The following DDR2 variants were observed in gnomAD, a reference collection of about 807,000 sequenced individuals.
DDR2 encodes the protein discoidin domain receptor tyrosine kinase 2, also known as discoidin domain-containing receptor 2.
DDR2 carries 27 observed loss-of-function variants against 94.9 expected under a neutral mutation model. The ratio of observed to expected loss-of-function variants is 0.28; its 90% CI spans 0.21 to 0.39. DDR2 has a LOEUF of 0.39. Among genes scored for constraint, DDR2 ranks in the 10% least tolerant of loss-of-function variants. The pLI, the probability that DDR2 is intolerant of heterozygous loss-of-function variation, is 1.00. For missense variants in DDR2, 783 were observed against 1,076.0 expected (o/e 0.73, Z 3.81); for synonymous variants, 382 against 377.2 (o/e 1.01, Z -0.15).
chr1:162,781,651 A>G lies in DDR2; in HGVS notation c.*1405A>G, dbSNP rs192441475. The G allele has an allele frequency of 6.6e-6, 1 of 152,286 alleles. No homozygotes were observed. The highest frequency in any genetic ancestry group is 2.4e-5 in the African/African-American group (1 of 41,556). The allele number at this position is 152,286 out of a possible 1,614,324, so 9.4% of individuals were successfully genotyped here. ...GAGTATACACACTCTTGCCTCTGAG[A>G]TGGCGTGACCAGCAGAAAAGAAAGC... On this transcript the variant is annotated 3_prime_UTR_variant, in exon 18 of 18. Transcript: ENST00000367921.
At position 162,759,649 on chromosome 1, in the gene DDR2, A is replaced by G; in HGVS notation, c.672-147A>G. 4.4e-6 allele frequency: 4 copies of G among 905,258 alleles called. No homozygotes were observed. In the South Asian group the frequency reaches 6.3e-5, roughly 14 times the overall value. 56.1% of individuals were successfully genotyped at this position (905,258 alleles called of 1,614,324 possible). On this transcript the variant is annotated intron_variant, in intron 7 of 17. Transcript: ENST00000367921. ...GATAAACGAGTCAATACTATAATGC[A>G]AATCTGATTATTTACAATCCTTCAA...
At chr1:162,767,150 A>T (rs1664036823) in intron 10 of DDR2, 79 bp from the exon 11 acceptor site, 2 of 1,598,682 alleles carry the variant, frequency 1.3e-6, no homozygotes, top group African/African-American at 1.3e-5. Flanking sequence ...GTCTACCTCC[A>T]TGTTTCCAGT....
At chr1:162,725,947 T>C (rs1571247759) in intron 3 of DDR2, among the ~76,000 whole-genome samples, 1 of 152,350 alleles carries the variant, frequency 6.6e-6, no homozygotes, top group East Asian at 1.9e-4. Context: ...AACTGAGGTT[T>C]AGGGAGATAA....
intron 2 of DDR2, among the ~76,000 whole-genome samples, chr1:162,699,953 G>T (rs1279724524): frequency 1.3e-5 from 2 of 152,192 alleles, no homozygotes; most frequent in African/African-American, 4.8e-5. Context: ...AAGTTGATAT[G>T]TAGCTCAATT....
chr1:162,649,450 A>T (rs2101900163), intron 1 of DDR2, among the ~76,000 whole-genome samples: 1 of 152,300 alleles, frequency 6.6e-6, no homozygotes, highest in Admixed American at 6.5e-5. Context: ...CTTTGCCACT[A>T]ACTGGTGATC....
chr1:162,654,736 C>G (rs973349214), intron 1 of DDR2, among the ~76,000 whole-genome samples: 3 of 152,084 alleles, frequency 2.0e-5, no homozygotes, highest in Admixed American at 6.6e-5. Flanking sequence ...TTCTCATTCT[C>G]TCACGAGTGT....
chr1:162,698,292 C>T (rs944706206), intron 2 of DDR2, among the ~76,000 whole-genome samples: 9 of 152,272 alleles, frequency 5.9e-5, no homozygotes, highest in South Asian at 2.1e-4. Flanking sequence ...TTCAGGTAGA[C>T]GCCCTCCTTA....
At chr1:162,691,922 G>A (rs146415438) in intron 2 of DDR2, among the ~76,000 whole-genome samples, 3 of 152,316 alleles carry the variant, frequency 2.0e-5, no homozygotes, top group African/African-American at 2.4e-5. Flanking sequence ...TCAATTCTGC[G>A]GTGGGCATAT....
intron 2 of DDR2, among the ~76,000 whole-genome samples, chr1:162,686,108 C>T (rs1299645607): frequency 6.6e-6 from 1 of 152,176 alleles, no homozygotes; most frequent in Non-Finnish European, 1.5e-5. Flanking sequence ...TCACTGCAAC[C>T]TCCGCCTCTT....
Position 162,782,131 on chromosome 1 carries a change from G to A in DDR2, c.*1885G>A, listed in dbSNP as rs1647935453. 1.3e-5 allele frequency: 2 copies of A among 152,240 alleles called. No individual in the cohort carries two copies. The highest frequency in any genetic ancestry group is 2.9e-5 in the Non-Finnish European group (2 of 68,056). The allele number at this position is 152,240 out of a possible 1,614,324, so 9.4% of individuals were successfully genotyped here. A position where few individuals can be genotyped will look rare whatever the true frequency, so the allele number is the denominator to read the frequency against. ...GAAATCATTGGTTTGAGAGTCAAGA[G>A]AGCATTGGTTTGGGAGCTTTAATCC... On this transcript the variant is annotated 3_prime_UTR_variant, in exon 18 of 18. Coordinates refer to ENST00000367921, the MANE Select transcript of DDR2 (RefSeq NM_006182.4).
chr1:162,635,634 G>C (rs547861945), intron 1 of DDR2, among the ~76,000 whole-genome samples: 134 of 152,298 alleles, frequency 8.8e-4, no homozygotes, highest in Non-Finnish European at 1.7e-3. Flanking sequence ...ACAATGACTA[G>C]TCAGTCCAGA....
At chr1:162,778,809 G>C (rs753192929) in intron 17 of DDR2, 80 bp downstream of exon 17, 12 of 1,583,430 alleles carry the variant, frequency 7.6e-6, no homozygotes, top group Non-Finnish European at 1.0e-5. Flanking sequence ...CTTAGCAGGA[G>C]TGGGCCGAGA....
At chr1:162,693,963 C>T (rs1047022075) in intron 2 of DDR2, among the ~76,000 whole-genome samples, 1 of 152,154 alleles carries the variant, frequency 6.6e-6, no homozygotes, top group African/African-American at 2.4e-5. Context: ...GCAACCTCTG[C>T]CTCCCAGGCT....
chr1:162,741,209 C>CAATACAATATAATAT (rs368631311), intron 3 of DDR2, among the ~76,000 whole-genome samples: 4,610 of 68,758 alleles, frequency 0.067, 385 homozygotes, highest in Non-Finnish European at 0.096. Flanking sequence ...CAATACAATA[C>CAATACAATATAATAT]AATATAATAT....
chr1:162,669,979 C>T (rs1658753674), intron 2 of DDR2, among the ~76,000 whole-genome samples: 1 of 152,190 alleles, frequency 6.6e-6, no homozygotes, highest in African/African-American at 2.4e-5. Context: ...ATCATTGCTG[C>T]TATAGACATT....
intron 2 of DDR2, among the ~76,000 whole-genome samples, chr1:162,717,471 T>C (rs911692663): frequency 2.0e-5 from 3 of 152,246 alleles, no homozygotes; most frequent in Non-Finnish European, 4.4e-5. Context: ...TGAACTGATA[T>C]AGATACATTA....
chr1:162,715,324 T>C (rs974595005), intron 2 of DDR2, among the ~76,000 whole-genome samples: 1 of 152,164 alleles, frequency 6.6e-6, no homozygotes, highest in African/African-American at 2.4e-5. Context: ...TATGATCATT[T>C]CTATATAGAA....
intron 2 of DDR2, among the ~76,000 whole-genome samples, chr1:162,706,675 G>A (rs1039352628): frequency 6.6e-6 from 1 of 152,196 alleles, no homozygotes; most frequent in Non-Finnish European, 1.5e-5. Context: ...TTTAACCTGG[G>A]CCAGAAAGTG....
chr1:162,655,935 G>T (rs1657936923), intron 2 of DDR2, among the ~76,000 whole-genome samples: 1 of 152,152 alleles, frequency 6.6e-6, no homozygotes, highest in South Asian at 2.1e-4. Flanking sequence ...AGAAAACCTA[G>T]CCCAGGGATA....
Sources: allele counts gnomAD v4.1 joint callset (sites outside exome capture counted in the v4.1 genomes callset), GRCh38; gene constraint gnomAD v4.1.1; transcripts MANE v1.5; gene names NCBI Gene and HGNC (gene_info 2026-07-23, HGNC 2026-07-21).